The following C1QTNF3 variants were observed in gnomAD, a reference collection of about 807,000 sequenced individuals.
C1QTNF3 encodes the protein complement C1q tumor necrosis factor-related protein 3.
C1QTNF3 carries 26 observed loss-of-function variants against 32.6 expected under a neutral mutation model. The ratio of observed to expected loss-of-function variants is 0.80; its 90% CI spans 0.58 to 1.11. The LOEUF is 1.11. Ranked by LOEUF, C1QTNF3 falls within the 50% of genes least tolerant of loss-of-function variation. C1QTNF3 has a pLI of 0.00. For synonymous variants in C1QTNF3, 155 were observed against 146.0 expected, an observed-to-expected ratio of 1.06 and a Z score of -0.44; for missense variants, 362 against 398.2, an observed-to-expected ratio of 0.91 and a Z score of 0.77.
At chr5:34,210,372 T>C in the C1QTNF3 span, among the ~76,000 whole-genome samples, 1 of 152,072 alleles carries the variant, frequency 6.6e-6, no homozygotes, top group African/African-American at 2.4e-5. Context: ...CGGTTTGACC[T>C]AGACAAGTTT....
chr5:34,221,520 C>T, the C1QTNF3 span, among the ~76,000 whole-genome samples: 3 of 152,044 alleles, frequency 2.0e-5, no homozygotes, highest in Non-Finnish European at 4.4e-5. Context: ...TATTAGCTGT[C>T]TGCCAGTCTG....
chr5:34,216,281 T>C, the C1QTNF3 span, among the ~76,000 whole-genome samples: 1 of 152,200 alleles, frequency 6.6e-6, no homozygotes, highest in African/African-American at 2.4e-5. Context: ...GGATATTCCT[T>C]AATTCTCCAT....
the C1QTNF3 span, among the ~76,000 whole-genome samples, chr5:34,114,421 TCA>T: frequency 2.0e-5 from 3 of 152,186 alleles, no homozygotes; most frequent in Non-Finnish European, 2.9e-5. Context: ...ATTGCTAAAT[TCA>T]GTCTCATATT....
chr5:34,091,612 C>T, the C1QTNF3 span, among the ~76,000 whole-genome samples: 1 of 152,352 alleles, frequency 6.6e-6, no homozygotes, highest in East Asian at 1.9e-4. Context: ...CGTTACATGG[C>T]AACTTAGTCT....
the C1QTNF3 span, among the ~76,000 whole-genome samples, chr5:34,237,801 TGGC>T: frequency 6.6e-6 from 1 of 152,066 alleles, no homozygotes; most frequent in Non-Finnish European, 1.5e-5. Context: ...GAGAGACCTG[TGGC>T]CTAGAACACC....
At chr5:34,024,976 T>G (rs1344731334) in intron 4 of C1QTNF3, among the ~76,000 whole-genome samples, 1 of 152,248 alleles carries the variant, frequency 6.6e-6, no homozygotes, top group Non-Finnish European at 1.5e-5. Flanking sequence ...ATAGTTCTAT[T>G]TCTTTCTCAA....
the C1QTNF3 span, among the ~76,000 whole-genome samples, chr5:34,145,876 C>A: frequency 1.3e-5 from 2 of 151,958 alleles, no homozygotes. Context: ...ATATGATTCA[C>A]CACATAAACA....
the C1QTNF3 span, among the ~76,000 whole-genome samples, chr5:34,057,725 C>T: frequency 2.0e-5 from 3 of 152,126 alleles, no homozygotes; most frequent in Non-Finnish European, 2.9e-5. Context: ...TCTGGTTTTA[C>T]GGCATTGAGG....
the C1QTNF3 span, among the ~76,000 whole-genome samples, chr5:34,196,539 T>C: frequency 3.9e-5 from 6 of 152,382 alleles, no homozygotes; most frequent in African/African-American, 7.2e-5. Context: ...CACTATCCAA[T>C]AGAACTTTAT....
the C1QTNF3 span, among the ~76,000 whole-genome samples, chr5:34,229,109 T>G: frequency 6.6e-6 from 1 of 152,132 alleles, no homozygotes; most frequent in Non-Finnish European, 1.5e-5. Context: ...GAAAGAAAGC[T>G]TATGCCTACA....
At chr5:34,023,388 A>G (rs1452357601) in intron 5 of C1QTNF3, among the ~76,000 whole-genome samples, 1 of 152,194 alleles carries the variant, frequency 6.6e-6, no homozygotes, top group Non-Finnish European at 1.5e-5. Flanking sequence ...GTCTTTTGGC[A>G]TTTCAAATAC....
chr5:34,237,444 T>C, the C1QTNF3 span, among the ~76,000 whole-genome samples: 1 of 152,232 alleles, frequency 6.6e-6, no homozygotes, highest in Non-Finnish European at 1.5e-5. Context: ...ATCCTTTAAT[T>C]ACTTAAGGTT....
the C1QTNF3 span, among the ~76,000 whole-genome samples, chr5:34,144,817 C>A: frequency 6.6e-6 from 1 of 152,176 alleles, no homozygotes; most frequent in South Asian, 2.1e-4. Context: ...TAAACACCTT[C>A]ATCAAGAAGT....
At chr5:34,221,285 A>C in the C1QTNF3 span, among the ~76,000 whole-genome samples, 1 of 152,046 alleles carries the variant, frequency 6.6e-6, no homozygotes, top group African/African-American at 2.4e-5. Flanking sequence ...GATACTAACA[A>C]CTTGATTGGT....
the C1QTNF3 span, among the ~76,000 whole-genome samples, chr5:34,147,016 C>T: frequency 6.6e-6 from 1 of 152,154 alleles, no homozygotes; most frequent in Non-Finnish European, 1.5e-5. Context: ...TTAACAGATA[C>T]TTCTGAATAG....
chr5:34,084,249 G>A, the C1QTNF3 span, among the ~76,000 whole-genome samples: 26 of 151,844 alleles, frequency 1.7e-4, 1 homozygote, highest in South Asian at 5.4e-3. Context: ...ATTTTAGTGG[G>A]AATGTTGTGA....
At chr5:34,104,901 A>G in the C1QTNF3 span, among the ~76,000 whole-genome samples, 1 of 152,124 alleles carries the variant, frequency 6.6e-6, no homozygotes, top group South Asian at 2.1e-4. Flanking sequence ...CCACAATGGC[A>G]GGTATATTCC....
At chr5:34,233,672 T>C in the C1QTNF3 span, among the ~76,000 whole-genome samples, 1 of 151,002 alleles carries the variant, frequency 6.6e-6, no homozygotes, top group South Asian at 2.1e-4. Flanking sequence ...AAAGTTAACA[T>C]ATTCACAGGT....
At chr5:34,115,646 G>A in the C1QTNF3 span, among the ~76,000 whole-genome samples, 2 of 151,980 alleles carry the variant, frequency 1.3e-5, no homozygotes, top group East Asian at 3.9e-4. Flanking sequence ...CAGGAGAATG[G>A]CGTGAACCCG....
Sources: allele counts gnomAD v4.1 joint callset (sites outside exome capture counted in the v4.1 genomes callset), GRCh38; gene constraint gnomAD v4.1.1; transcripts MANE v1.5; gene names NCBI Gene and HGNC (gene_info 2026-07-23, HGNC 2026-07-21).